The following PRICKLE1 variants were observed in gnomAD, a reference collection of about 807,000 sequenced individuals.
PRICKLE1 encodes the protein prickle-like protein 1.
A neutral mutation model predicts 70.2 loss-of-function variants in PRICKLE1; 14 were observed. The observed-to-expected ratio is 0.20, with a 90% CI of 0.13 to 0.31. The LOEUF (loss-of-function observed/expected upper bound fraction) is 0.31. Among genes scored for constraint, PRICKLE1 ranks in the 10% least tolerant of loss-of-function variants. The pLI is 1.00. For synonymous variants in PRICKLE1, 357 were observed against 379.9 expected, an observed-to-expected ratio of 0.94 and a Z score of 0.70; for missense variants, 821 against 1,026.2, an observed-to-expected ratio of 0.80 and a Z score of 2.73.
rs1261511113 is a variant in PRICKLE1, at chr12:42,458,316, T to C, written c.*1493A>G. 1 of 152,238 alleles carries C rather than the reference T, an allele frequency of 6.6e-6. No individual in the cohort carries two copies. The allele number at this position is 152,238 out of a possible 1,614,324, so 9.4% of individuals were successfully genotyped here. On this transcript the variant is annotated 3_prime_UTR_variant, in exon 8 of 8. Transcript: ENST00000345127. ...GAACACAGGCACAAAATGGAAGTTA[T>C]CTGGATACATTTGCAAAGATTTATA...
At chr12:42,477,478 GTGTGTA>G (rs1938603344) in intron 1 of PRICKLE1, among the ~76,000 whole-genome samples, 3 of 50,054 alleles carry the variant, frequency 6.0e-5, no homozygotes, top group African/African-American at 1.3e-4. Flanking sequence ...GTGTGTGTGT[GTGTGTA>G]TATATATATA....
intron 1 of PRICKLE1, among the ~76,000 whole-genome samples, chr12:42,556,735 T>C (rs1196873791): frequency 1.3e-5 from 2 of 152,242 alleles, no homozygotes; most frequent in East Asian, 3.8e-4. Flanking sequence ...ACCCAACTTC[T>C]TGACTTTCCA....
At chr12:42,465,469 G>A (rs117186472) in intron 6 of PRICKLE1, 44 of 584,452 alleles carry the variant, frequency 7.5e-5, no homozygotes, top group African/African-American at 6.7e-4. Context: ...ACTAATATTC[G>A]CAACAGTTTC....
intron 1 of PRICKLE1, among the ~76,000 whole-genome samples, chr12:42,509,172 C>T (rs1162186998): frequency 5.9e-5 from 9 of 152,088 alleles, no homozygotes; most frequent in Admixed American, 3.9e-4. Flanking sequence ...TTTTTGTCTC[C>T]GTGGGGTTTA....
intron 1 of PRICKLE1, among the ~76,000 whole-genome samples, chr12:42,547,243 T>C (rs1435492081): frequency 6.6e-6 from 1 of 152,198 alleles, no homozygotes; most frequent in Non-Finnish European, 1.5e-5. Context: ...TAGCAACTAC[T>C]ACTAGGAGGA....
At chr12:42,575,558 G>A (rs945722575) in intron 1 of PRICKLE1, among the ~76,000 whole-genome samples, 2 of 152,046 alleles carry the variant, frequency 1.3e-5, no homozygotes, top group African/African-American at 4.8e-5. Context: ...GCCAGGAATG[G>A]TGGTGGGCAC....
At chr12:42,497,129 G>C (rs574896348) in intron 1 of PRICKLE1, among the ~76,000 whole-genome samples, 1 of 152,218 alleles carries the variant, frequency 6.6e-6, no homozygotes, top group South Asian at 2.1e-4. Context: ...GAACACACAG[G>C]CCACTGTAGG....
chr12:42,519,221 T>C (rs1939666057), intron 1 of PRICKLE1, among the ~76,000 whole-genome samples: 1 of 100,854 alleles, frequency 9.9e-6, no homozygotes, highest in African/African-American at 3.6e-5. Context: ...TTTGAGATGG[T>C]GTGTTGCTCT....
At chr12:42,558,786 T>C (rs1316567684) in intron 1 of PRICKLE1, among the ~76,000 whole-genome samples, 1 of 152,260 alleles carries the variant, frequency 6.6e-6, no homozygotes, top group Non-Finnish European at 1.5e-5. Context: ...TGGTTGATAT[T>C]GTATAAAACT....
chr12:42,472,430 T>A lies in PRICKLE1; in HGVS notation c.87A>T (p.Ala29=). 6.2e-7 allele frequency: 1 copy of A among 1,614,128 alleles called. No homozygotes were observed. The highest frequency in any genetic ancestry group is 2.2e-5 in the East Asian group (1 of 44,866). Residue 29 remains alanine, a synonymous_variant, in exon 2 of 8, where the codon GCA becomes GCT. Transcript: ENST00000345127. ...GGGGGACCCAGGCGTACTCCTCCAA[T>A]GCACAGCCAGAGTCATCATCTGATG... The part of the protein sequence containing the change: ...SSTSDDDSGC[A]LEEYAWVPPG...
At chr12:42,532,916 G>A (rs898071200) in intron 1 of PRICKLE1, among the ~76,000 whole-genome samples, 16 of 148,366 alleles carry the variant, frequency 1.1e-4, no homozygotes, top group African/African-American at 4.0e-4. Flanking sequence ...AAAAAATTGT[G>A]TTTGGAATCT....
chr12:42,475,253 T>C (rs531015122), intron 1 of PRICKLE1, among the ~76,000 whole-genome samples: 3 of 152,322 alleles, frequency 2.0e-5, no homozygotes, highest in Non-Finnish European at 4.4e-5. Flanking sequence ...ACAATACCCT[T>C]TTCATTACAG....
intron 1 of PRICKLE1, among the ~76,000 whole-genome samples, chr12:42,563,730 A>G (rs1940570155): frequency 6.7e-6 from 1 of 148,514 alleles, no homozygotes; most frequent in African/African-American, 2.5e-5. Flanking sequence ...AAAAAAAAGA[A>G]TCTTTTTTGG....
chr12:42,522,469 T>A (rs1443712764), intron 1 of PRICKLE1, among the ~76,000 whole-genome samples: 1 of 152,212 alleles, frequency 6.6e-6, no homozygotes, highest in Non-Finnish European at 1.5e-5. Context: ...TGAATGACTA[T>A]TGTCCATTTG....
Position 42,464,998 on chromosome 12 carries a change from A to G in PRICKLE1, c.1036T>C (p.Cys346Arg), listed in dbSNP as rs772094351. ...MGKSSRSADQ[C>R]RQSLLLSPAL... ...GGCGATAAGAGGAGAGACTGTCTACACTGATCTGCTGACCGGCTGCTCTTG... is the reference window on the plus strand; with the variant it reads ...GGCGATAAGAGGAGAGACTGTCTACGCTGATCTGCTGACCGGCTGCTCTTG... The change falls in exon 7 of 8, where the codon TGT (cysteine) becomes CGT (arginine). Residue 346 changes from cysteine to arginine, a missense_variant. Physicochemically the swap from Cys to Arg is radical, Grantham distance 180. Transcript: ENST00000345127. The surrounding 1 kb of genome is among the most constrained non-coding windows in gnomAD (Gnocchi z 4.2). 2 of 1,610,808 alleles carry G rather than the reference A, an allele frequency of 1.2e-6. No individual in the cohort carries two copies. Among genetic ancestry groups the G allele is most frequent in the Non-Finnish European group, 1.7e-6 (2 of 1,178,650 alleles).
intron 1 of PRICKLE1, among the ~76,000 whole-genome samples, chr12:42,514,805 T>A (rs1373145448): frequency 6.6e-6 from 1 of 152,228 alleles, no homozygotes; most frequent in Non-Finnish European, 1.5e-5. Context: ...GCTTCCCCTC[T>A]GTTAGTTGAT....
At chr12:42,517,700 T>C (rs1170022385) in intron 1 of PRICKLE1, among the ~76,000 whole-genome samples, 1 of 152,216 alleles carries the variant, frequency 6.6e-6, no homozygotes, top group East Asian at 1.9e-4. Context: ...ACCAGCCTTA[T>C]TGCCTCCTCC....
chr12:42,538,067 C>A (rs1371573924), intron 1 of PRICKLE1, among the ~76,000 whole-genome samples: 4 of 152,106 alleles, frequency 2.6e-5, no homozygotes, highest in African/African-American at 9.7e-5. Context: ...GTATTCCCAG[C>A]ACTTTGGGAG....
Position 42,466,184 on chromosome 12 carries a change from G to A in PRICKLE1, c.775+10C>T. 2 of 1,613,724 alleles carry A rather than the reference G, an allele frequency of 1.2e-6. No homozygotes were observed. Among genetic ancestry groups the A allele is most frequent in the Middle Eastern group, 1.6e-4 (1 of 6,062 alleles). On this transcript the variant is annotated intron_variant, in intron 6 of 7. Transcript: ENST00000345127. ...AGGTGACAGGGCAGACGGGCTGGCT[G>A]TGGACTTACCAATATGTTCCCCACA...
Sources: allele counts gnomAD v4.1 joint callset (sites outside exome capture counted in the v4.1 genomes callset), GRCh38; gene constraint gnomAD v4.1.1; non-coding constraint Gnocchi (gnomAD v3.1); transcripts MANE v1.5; gene names NCBI Gene and HGNC (gene_info 2026-07-23, HGNC 2026-07-21).